ROBO2: variants seen among roughly 807,000 people sequenced by gnomAD.
ROBO2 encodes roundabout homolog 2.
ROBO2 carries 53 observed loss-of-function variants against 160.8 expected under a neutral mutation model. The ratio of observed to expected loss-of-function variants is 0.33; its 90% CI spans 0.26 to 0.41. The LOEUF is 0.41. Among genes scored for constraint, ROBO2 ranks in the 10% least tolerant of loss-of-function variants. The probability of loss-of-function intolerance (pLI) is 1.00; values close to 1 mark genes in which losing one functional copy is unlikely to be tolerated. For missense variants in ROBO2, 1,577 were observed against 1,722.4 expected, an observed-to-expected ratio of 0.92 and a Z score of 1.49; for synonymous variants, 664 against 611.7, an observed-to-expected ratio of 1.09 and a Z score of -1.26.
chr3:77,390,653 C>A (rs138570039), intron 2 of ROBO2, among the ~76,000 whole-genome samples: 30 of 151,982 alleles, frequency 2.0e-4, no homozygotes, highest in African/African-American at 7.2e-4. Context: ...TTATTAGCAG[C>A]GTGATAACAG....
chr3:75,915,372 C>T (rs553037075), intron 1 of ROBO2, among the ~76,000 whole-genome samples: 5 of 151,926 alleles, frequency 3.3e-5, no homozygotes, highest in South Asian at 2.1e-4. Context: ...ATAAAATAGC[C>T]GTTAATGAAA....
rs55976705 is a variant in ROBO2 at position 76,386,361 on chromosome 3, T to C, written c.109+448759T>C. ...TCCCTCCCTCCCTCCCTCCCTCCCTTCCTTCCTCCCCTCCTTTCAGAAGTA... is the reference window on the plus strand; with the variant it reads ...TCCCTCCCTCCCTCCCTCCCTCCCTCCCTTCCTCCCCTCCTTTCAGAAGTA... On this transcript the variant is annotated intron_variant, in intron 2 of 26. Transcript: ENST00000487694. Among the ~76,000 whole-genome samples the C allele has an allele frequency of 1.8e-3, 140 of 79,242 alleles. 1 individual carries two copies. The highest frequency in any genetic ancestry group is 7.8e-3 in the African/African-American group (109 of 13,922). The allele number at this position is 79,242 out of a possible 152,430, so 52.0% of individuals were successfully genotyped here. A position where few individuals can be genotyped will look rare whatever the true frequency, so the allele number is the denominator to read the frequency against.
intron 2 of ROBO2, among the ~76,000 whole-genome samples, chr3:76,889,845 A>G (rs1055829239): frequency 1.3e-5 from 2 of 152,128 alleles, no homozygotes; most frequent in African/African-American, 4.8e-5. Context: ...AGTGGTCAGG[A>G]ATATTCTCTA....
At chr3:76,699,437 T>C in intron 2 of ROBO2, among the ~76,000 whole-genome samples, 1 of 152,160 alleles carries the variant, frequency 6.6e-6, no homozygotes, top group East Asian at 1.9e-4. Flanking sequence ...TTCTCTTTTA[T>C]TTGGACGTTC....
chr3:77,378,133 A>G (rs993168059), intron 2 of ROBO2, among the ~76,000 whole-genome samples: 2 of 152,216 alleles, frequency 1.3e-5, no homozygotes, highest in African/African-American at 2.4e-5. Flanking sequence ...AAGGTAGTAT[A>G]GATAAGACTT....
intron 1 of ROBO2, among the ~76,000 whole-genome samples, chr3:77,089,739 C>T (rs755814118): frequency 2.0e-5 from 3 of 152,090 alleles, no homozygotes; most frequent in Non-Finnish European, 4.4e-5. Context: ...TATTGATCTT[C>T]TCAGCATATC....
intron 2 of ROBO2, among the ~76,000 whole-genome samples, chr3:76,187,744 G>A (rs2107154402): frequency 6.6e-6 from 1 of 152,062 alleles, no homozygotes; most frequent in African/African-American, 2.4e-5. Flanking sequence ...TCTCTAAATG[G>A]TACCTTGAAT....
chr3:77,582,169 T>C (rs7628055), intron 16 of ROBO2, among the ~76,000 whole-genome samples: 6,576 of 152,270 alleles, frequency 0.043, 322 homozygotes, highest in East Asian at 0.13. Flanking sequence ...TTAGGTGATC[T>C]CTGCTCACTG....
At chr3:76,559,996 A>G (rs558803295) in intron 2 of ROBO2, among the ~76,000 whole-genome samples, 151 of 152,238 alleles carry the variant, frequency 9.9e-4, no homozygotes, top group African/African-American at 3.4e-3. Flanking sequence ...TCCTTAGAGC[A>G]ATGCAATGCA....
intron 2 of ROBO2, among the ~76,000 whole-genome samples, chr3:76,033,337 G>A (rs560341451): frequency 1.3e-5 from 2 of 152,060 alleles, no homozygotes; most frequent in East Asian, 1.9e-4. Context: ...ACCAGGATAT[G>A]CTGTGCTATT....
At chr3:76,726,707 A>G (rs2093558426) in intron 2 of ROBO2, among the ~76,000 whole-genome samples, 1 of 152,162 alleles carries the variant, frequency 6.6e-6, no homozygotes, top group Non-Finnish European at 1.5e-5. Flanking sequence ...CTCTTATGAT[A>G]TCAGATGTTA....
At chr3:76,458,074 C>T (rs2077873463) in intron 2 of ROBO2, among the ~76,000 whole-genome samples, 1 of 152,146 alleles carries the variant, frequency 6.6e-6, no homozygotes, top group African/African-American at 2.4e-5. Flanking sequence ...ACATTAGGCT[C>T]CTTGCTACTT....
intron 2 of ROBO2, among the ~76,000 whole-genome samples, chr3:77,402,523 C>G (rs1028324464): frequency 2.6e-5 from 4 of 152,168 alleles, no homozygotes; most frequent in African/African-American, 9.6e-5. Flanking sequence ...CACCTGAAAC[C>G]GGTGATCAGA....
intron 2 of ROBO2, among the ~76,000 whole-genome samples, chr3:75,986,113 C>T (rs539496168): frequency 2.6e-5 from 4 of 151,614 alleles, no homozygotes; most frequent in Non-Finnish European, 3.0e-5. Context: ...AAAGAACTGA[C>T]GTACTGCTTT....
chr3:76,428,126 A>C (rs1266881424), intron 2 of ROBO2, among the ~76,000 whole-genome samples: 1 of 152,124 alleles, frequency 6.6e-6, no homozygotes, highest in Non-Finnish European at 1.5e-5. Context: ...CTGCTTCAGT[A>C]GTCTGTCTGT....
intron 2 of ROBO2, among the ~76,000 whole-genome samples, chr3:76,686,835 A>T (rs192882403): frequency 1.3e-5 from 2 of 152,102 alleles, no homozygotes; most frequent in Non-Finnish European, 2.9e-5. Context: ...AATAAATACT[A>T]TAATATAAAA....
At chr3:76,399,297 T>G (rs1300848878) in intron 2 of ROBO2, among the ~76,000 whole-genome samples, 1 of 151,692 alleles carries the variant, frequency 6.6e-6, no homozygotes, top group Non-Finnish European at 1.5e-5. Flanking sequence ...TTTTTGTTAG[T>G]CTCTCTAAAA....
At chr3:77,292,437 T>G (rs567263029) in intron 2 of ROBO2, among the ~76,000 whole-genome samples, 1 of 150,824 alleles carries the variant, frequency 6.6e-6, no homozygotes, top group African/African-American at 2.4e-5. Context: ...TGAGGCTAGA[T>G]CACCAAAGAC....
intron 2 of ROBO2, among the ~76,000 whole-genome samples, chr3:77,313,111 G>A (rs1198044366): frequency 2.0e-5 from 3 of 152,124 alleles, no homozygotes; most frequent in African/African-American, 7.2e-5. Context: ...AACATTAAAG[G>A]AACAAGATAA....
Sources: allele counts gnomAD v4.1 joint callset (sites outside exome capture counted in the v4.1 genomes callset), GRCh38; gene constraint gnomAD v4.1.1; transcripts MANE v1.5; gene names NCBI Gene and HGNC (gene_info 2026-07-23, HGNC 2026-07-21).